TRPC5: variants seen among roughly 807,000 people sequenced by gnomAD.
TRPC5 encodes short transient receptor potential channel 5.
A neutral mutation model predicts 56.5 loss-of-function variants in TRPC5; 9 were observed. The ratio of observed to expected loss-of-function variants is 0.16; its 90% CI spans 0.10 to 0.28. TRPC5 has a LOEUF of 0.28. Among genes scored for constraint, TRPC5 ranks in the 10% least tolerant of loss-of-function variants. The probability of loss-of-function intolerance (pLI) is 1.00; values close to 1 mark genes in which losing one functional copy is unlikely to be tolerated. For missense variants in TRPC5, 469 were observed against 748.9 expected, an observed-to-expected ratio of 0.63 and a Z score of 4.36; for synonymous variants, 282 against 278.5, an observed-to-expected ratio of 1.01 and a Z score of -0.13.
At chrX:111,828,224 G>A (rs1413530381) in intron 7 of TRPC5, among the ~76,000 whole-genome samples, 1 of 111,807 alleles carries the variant, frequency 8.9e-6, no homozygotes, top group Non-Finnish European at 1.9e-5. Flanking sequence ...GTTTGGCTGT[G>A]TCCCCACCCA....
chrX:111,828,198 A>G (rs1360147776), intron 7 of TRPC5, among the ~76,000 whole-genome samples: 2 of 112,027 alleles, frequency 1.8e-5, no homozygotes, highest in Non-Finnish European at 3.8e-5. Flanking sequence ...TGTGCTTCAG[A>G]TCACTTACTG....
intron 1 of TRPC5, among the ~76,000 whole-genome samples, chrX:112,073,269 T>TTTGC (rs976436499): frequency 3.6e-5 from 4 of 111,063 alleles, no homozygotes; most frequent in African/African-American, 9.8e-5. Flanking sequence ...TTTTTGTTTG[T>TTTGC]TTGTTTGTTT....
intron 1 of TRPC5, among the ~76,000 whole-genome samples, chrX:111,989,258 C>T (rs1260373803): frequency 9.0e-6 from 1 of 111,707 alleles, no homozygotes; most frequent in Non-Finnish European, 1.9e-5. Flanking sequence ...GAAAGAAAGG[C>T]TTTTCAGACC....
intron 3 of TRPC5, among the ~76,000 whole-genome samples, chrX:111,869,584 G>A (rs913089277): frequency 1.8e-4 from 20 of 112,328 alleles, no homozygotes; most frequent in African/African-American, 6.5e-4. Flanking sequence ...AACTGTTTTA[G>A]AACGCATATT....
rs140373882 is a variant in TRPC5 at position 111,849,172 on chromosome X, C to T, written c.1378-1736G>A. 5.2e-3 allele frequency among the ~76,000 whole-genome samples: 588 copies of T among 112,254 alleles called. 3 individuals carry two copies. Among genetic ancestry groups the T allele is most frequent in the African/African-American group, 0.017 (540 of 30,951 alleles). On this transcript the variant is annotated intron_variant, in intron 5 of 10. Transcript: ENST00000262839. The stretch of plus-strand genomic sequence containing the variant: ...CTCATAATTTGGGATTTTCTCTCTC[C>T]TCATCCAGAACTGTAACCTCAGGGA...
intron 1 of TRPC5, among the ~76,000 whole-genome samples, chrX:112,077,862 C>T (rs1930870560): frequency 8.9e-6 from 1 of 111,802 alleles, no homozygotes; most frequent in African/African-American, 3.3e-5. Flanking sequence ...CCTGCCTTAT[C>T]TTTTCTATTT....
At chrX:111,948,811 A>C (rs1926999133) in intron 2 of TRPC5, among the ~76,000 whole-genome samples, 1 of 109,344 alleles carries the variant, frequency 9.1e-6, no homozygotes, top group Non-Finnish European at 1.9e-5. Context: ...ACCTTTGTCC[A>C]CCTCCCTGTC....
chrX:111,977,140 A>T (rs1045110796), intron 1 of TRPC5, among the ~76,000 whole-genome samples: 4 of 111,599 alleles, frequency 3.6e-5, no homozygotes, highest in Admixed American at 9.6e-5. Flanking sequence ...AGAAAAAAAA[A>T]TCCTAATATT....
intron 2 of TRPC5, among the ~76,000 whole-genome samples, chrX:111,944,736 G>A (rs1314000213): frequency 9.0e-6 from 1 of 111,274 alleles, no homozygotes; most frequent in Non-Finnish European, 1.9e-5. Context: ...ATACAGAGGA[G>A]AACTCTGACA....
chrX:112,057,199 C>G (rs1602416256), intron 1 of TRPC5, among the ~76,000 whole-genome samples: 1 of 111,742 alleles, frequency 8.9e-6, no homozygotes, highest in East Asian at 2.8e-4. Context: ...GTTTTCTTCT[C>G]AAAATTGGGG....
In TRPC5 at chrX:111,782,088, A is replaced by G; in HGVS notation, c.1947T>C (p.Ser649=). 21 of 1,210,697 alleles carry G rather than the reference A, an allele frequency of 1.7e-5. No individual in the cohort carries two copies. Among genetic ancestry groups the G allele is most frequent in the Non-Finnish European group, 2.3e-5 (21 of 895,111 alleles). The change falls in exon 8 of 11, where the codon AGT becomes AGC. Residue 649 remains serine, a synonymous_variant. Transcript: ENST00000262839. ...GCAAGGTGCCACCTTCATCAAAGTA[A>G]CTCATCCAGAGCTTCGTCCTTGCAA... ...WKFARTKLWM[S]YFDEGGTLPP...
chrX:112,065,041 T>G (rs1214179338), intron 1 of TRPC5, among the ~76,000 whole-genome samples: 1 of 104,410 alleles, frequency 9.6e-6, no homozygotes, highest in Non-Finnish European at 2.0e-5. Flanking sequence ...ACCACTGCAG[T>G]GTACTCCAGC....
At chrX:111,883,239 A>T (rs1229557147) in intron 3 of TRPC5, among the ~76,000 whole-genome samples, 1 of 112,702 alleles carries the variant, frequency 8.9e-6, no homozygotes, top group African/African-American at 3.2e-5. Flanking sequence ...TTATAACCCA[A>T]TTCAGCCCTA....
intron 1 of TRPC5, among the ~76,000 whole-genome samples, chrX:112,021,534 T>C (rs762107003): frequency 8.9e-6 from 1 of 112,278 alleles, no homozygotes; most frequent in Admixed American, 9.4e-5. Flanking sequence ...TGCTCAGGCC[T>C]CAGATTTACC....
Position 111,801,909 on chromosome X carries a change from C to G in TRPC5, c.1897-19771G>C, listed in dbSNP as rs1921322467. 2.7e-5 allele frequency among the ~76,000 whole-genome samples: 3 copies of G among 112,013 alleles called. No homozygotes were observed. The South Asian group carries it at 1.1e-3, about 42-fold the overall frequency. On this transcript the variant is annotated intron_variant, in intron 7 of 10. Transcript: ENST00000262839. ...TTAATGAAACTCAACTATGAATCAT[C>G]TCTTTTATCACTTGTGCTTCCAGTG...
At chrX:111,966,265 C>G (rs1927571445) in intron 1 of TRPC5, among the ~76,000 whole-genome samples, 1 of 111,776 alleles carries the variant, frequency 8.9e-6, no homozygotes, top group Non-Finnish European at 1.9e-5. Context: ...TACACCCTCC[C>G]AAGACTAAAC....
chrX:112,055,972 A>T (rs1930331804), intron 1 of TRPC5, among the ~76,000 whole-genome samples: 1 of 111,041 alleles, frequency 9.0e-6, no homozygotes, highest in South Asian at 3.8e-4. Context: ...CTATTTCAGG[A>T]GTGGGAGAGG....
In TRPC5 at chrX:111,847,694, A is replaced by G. The variant is rs147761876; in HGVS notation, c.1378-258T>C. Reference sequence around the variant, plus strand: ...ACATAGAAGAATAAATTTTAGATCAATCATCTGCAGCAACCACCTGTGGCT... The same window carrying G: ...ACATAGAAGAATAAATTTTAGATCAGTCATCTGCAGCAACCACCTGTGGCT... On this transcript the variant is annotated intron_variant, in intron 5 of 10. Coordinates refer to ENST00000262839, the MANE Select transcript of TRPC5 (RefSeq NM_012471.3). Among the ~76,000 whole-genome samples, 827 of 111,762 alleles carry G rather than the reference A, an allele frequency of 7.4e-3. 2 individuals carry two copies. Among genetic ancestry groups the G allele is most frequent in the Non-Finnish European group, 0.012 (636 of 53,153 alleles).
At position 111,773,700 on chromosome X, in the gene TRPC5, A is replaced by G. The variant is rs1300349109; in HGVS notation, c.*2613T>C. Among the ~76,000 whole-genome samples the G allele has an allele frequency of 1.8e-5, 2 of 110,710 alleles. No homozygotes were observed. The highest frequency in any genetic ancestry group is 3.9e-4 in the South Asian group (1 of 2,581). Reference sequence around the variant, plus strand: ...TCATTGTCCTTCTCTGGGCCTCTTTATTTTCTATTTGTAAAATATGAGGTT... The same window carrying G: ...TCATTGTCCTTCTCTGGGCCTCTTTGTTTTCTATTTGTAAAATATGAGGTT... On this transcript the variant is annotated 3_prime_UTR_variant, in exon 11 of 11. Coordinates refer to ENST00000262839, the MANE Select transcript of TRPC5 (RefSeq NM_012471.3).
Sources: allele counts gnomAD v4.1 joint callset (sites outside exome capture counted in the v4.1 genomes callset), GRCh38; gene constraint gnomAD v4.1.1; transcripts MANE v1.5; gene names NCBI Gene and HGNC (gene_info 2026-07-23, HGNC 2026-07-21).